The following TRPC5 variants were observed in gnomAD, a reference collection of about 807,000 sequenced individuals.
TRPC5 encodes the protein short transient receptor potential channel 5.
TRPC5 carries 9 observed loss-of-function variants against 56.5 expected under a neutral mutation model. The ratio of observed to expected loss-of-function variants is 0.16; its 90% CI spans 0.10 to 0.28. TRPC5 has a LOEUF of 0.28. Among genes scored for constraint, TRPC5 ranks in the 10% least tolerant of loss-of-function variants. TRPC5 has a pLI of 1.00. For synonymous variants in TRPC5, 282 were observed against 278.5 expected (o/e 1.01, Z -0.13); for missense variants, 469 against 748.9 (o/e 0.63, Z 4.36).
intron 2 of TRPC5, among the ~76,000 whole-genome samples, chrX:111,937,852 C>G (rs1377542612): frequency 2.8e-5 from 3 of 106,745 alleles, no homozygotes; most frequent in Non-Finnish European, 5.8e-5. Flanking sequence ...TCCATATGAA[C>G]TTTAAAGTAG....
At chrX:111,823,247 C>A (rs1922083590) in intron 7 of TRPC5, among the ~76,000 whole-genome samples, 1 of 111,621 alleles carries the variant, frequency 9.0e-6, no homozygotes, top group Admixed American at 9.5e-5. Context: ...TGTCTCAAAC[C>A]ACCAGGGGGA....
At chrX:111,820,487 A>T (rs1039837881) in intron 7 of TRPC5, among the ~76,000 whole-genome samples, 2 of 112,550 alleles carry the variant, frequency 1.8e-5, no homozygotes, top group African/African-American at 6.5e-5. Flanking sequence ...TTGAAAAAAT[A>T]AAAATAATAT....
intron 1 of TRPC5, among the ~76,000 whole-genome samples, chrX:112,079,510 A>C (rs191129503): frequency 8.9e-6 from 1 of 112,180 alleles, no homozygotes; most frequent in East Asian, 2.8e-4. Flanking sequence ...TTCACATATG[A>C]GTTGATTTCT....
chrX:112,053,663 G>A (rs1930272467), intron 1 of TRPC5, among the ~76,000 whole-genome samples: 1 of 111,368 alleles, frequency 9.0e-6, no homozygotes, highest in Non-Finnish European at 1.9e-5. Context: ...GGGATGGCTT[G>A]AATGGAGATA....
At chrX:111,930,549 C>T (rs111454724) in intron 2 of TRPC5, among the ~76,000 whole-genome samples, 2,713 of 110,269 alleles carry the variant, frequency 0.025, 72 homozygotes, top group African/African-American at 0.085. Flanking sequence ...TGCAGTGAGC[C>T]GAAATTGCAC....
In TRPC5 at chrX:111,938,712, G is replaced by A. The variant is rs772417675; in HGVS notation, c.378+13331C>T. Among the ~76,000 whole-genome samples, 3 of 111,741 alleles carry A rather than the reference G, an allele frequency of 2.7e-5. No homozygotes were observed. In the East Asian group the frequency reaches 8.4e-4, roughly 31 times the overall value. On this transcript the variant is annotated intron_variant, in intron 2 of 10. Transcript: ENST00000262839. ...GGGATGAAGCCCACTTGATCATGGT[G>A]GATAAGCTTTTTAATGTGCTGCTGG...
chrX:111,959,577 TG>T (rs1927320763), intron 1 of TRPC5, among the ~76,000 whole-genome samples: 1 of 111,555 alleles, frequency 9.0e-6, no homozygotes, highest in African/African-American at 3.3e-5. Flanking sequence ...TCAAAGGATT[TG>T]GGTGAGGGCG....
chrX:111,979,569 T>C (rs1377561254), intron 1 of TRPC5, among the ~76,000 whole-genome samples: 1 of 111,367 alleles, frequency 9.0e-6, no homozygotes, highest in Admixed American at 9.6e-5. Flanking sequence ...ATGCAAATCA[T>C]AATCTGATAA....
rs763430444 is a variant in TRPC5, at chrX:111,997,906, A to T, written c.-21-45465T>A. 2.7e-4 allele frequency among the ~76,000 whole-genome samples: 30 copies of T among 110,762 alleles called. No individual in the cohort carries two copies. The East Asian group carries it at 8.5e-3, about 32-fold the overall frequency. ...AGCCATTTGTCTAATCTTTTTTCAAAGTTTTTAGCTTCCTTGCAATGGGTT... is the reference window on the plus strand; with the variant it reads ...AGCCATTTGTCTAATCTTTTTTCAATGTTTTTAGCTTCCTTGCAATGGGTT... On this transcript the variant is annotated intron_variant, in intron 1 of 10. Coordinates refer to ENST00000262839, the MANE Select transcript of TRPC5 (RefSeq NM_012471.3).
chrX:111,827,128 TTATAA>T (rs1346141444), intron 7 of TRPC5, among the ~76,000 whole-genome samples: 1 of 111,641 alleles, frequency 9.0e-6, no homozygotes, highest in Non-Finnish European at 1.9e-5. Flanking sequence ...TAATATAGTA[TTATAA>T]TATAGCACAT....
chrX:111,924,342 T>A (rs1168918220), intron 2 of TRPC5, among the ~76,000 whole-genome samples: 1 of 111,068 alleles, frequency 9.0e-6, no homozygotes, highest in Non-Finnish European at 1.9e-5. Flanking sequence ...TGAACTCAGT[T>A]GGGTCTAAGA....
intron 1 of TRPC5, among the ~76,000 whole-genome samples, chrX:111,959,725 A>G (rs920346473): frequency 2.7e-5 from 3 of 111,641 alleles, no homozygotes; most frequent in African/African-American, 9.8e-5. Flanking sequence ...GAATCATTGC[A>G]TATTGATCAA....
intron 1 of TRPC5, among the ~76,000 whole-genome samples, chrX:111,961,261 C>T (rs1391244843): frequency 8.9e-6 from 1 of 112,415 alleles, no homozygotes; most frequent in Non-Finnish European, 1.9e-5. Flanking sequence ...ATCATGAATA[C>T]ATAAAATAAA....
At position 112,077,890 on chromosome X, in the gene TRPC5, C is replaced by T. The variant is rs760088540; in HGVS notation, c.-22+3989G>A. Reference sequence around the variant, plus strand: ...TTCTATTTTCTTTGTTTTAATTTTTCGGAAAGAGTGTGACTGTATGTGCAT... The same window carrying T: ...TTCTATTTTCTTTGTTTTAATTTTTTGGAAAGAGTGTGACTGTATGTGCAT... On this transcript the variant is annotated intron_variant, in intron 1 of 10. Transcript: ENST00000262839. Among the ~76,000 whole-genome samples, 337 of 111,271 alleles carry T rather than the reference C, an allele frequency of 3.0e-3. 3 individuals carry two copies. Among genetic ancestry groups the T allele is most frequent in the Non-Finnish European group, 5.2e-3 (277 of 53,031 alleles).
At chrX:111,814,121 AT>A (rs1275083508) in intron 7 of TRPC5, among the ~76,000 whole-genome samples, 1 of 112,294 alleles carries the variant, frequency 8.9e-6, no homozygotes, top group East Asian at 2.8e-4. Flanking sequence ...AGAGATTATA[AT>A]TTTTAACTTT....
At chrX:111,940,414 G>A (rs1256267655) in intron 2 of TRPC5, among the ~76,000 whole-genome samples, 1 of 111,585 alleles carries the variant, frequency 9.0e-6, no homozygotes, top group East Asian at 2.8e-4. Context: ...ATTCCGGCCA[G>A]GCGCGGTGGC....
chrX:111,901,603 A>G, intron 3 of TRPC5: 1 of 251,580 alleles, frequency 4.0e-6, no homozygotes, highest in Non-Finnish European at 7.0e-6. Context: ...ACAGCAGTTC[A>G]CCATTAGTAC....
At chrX:111,792,365 C>CA (rs1037389012) in intron 7 of TRPC5, among the ~76,000 whole-genome samples, 74 of 111,100 alleles carry the variant, frequency 6.7e-4, no homozygotes, top group East Asian at 3.1e-3. Flanking sequence ...TGTGGGGCTT[C>CA]AAACCTAGAT....
At chrX:112,053,150 G>A (rs978331297) in intron 1 of TRPC5, among the ~76,000 whole-genome samples, 2 of 111,718 alleles carry the variant, frequency 1.8e-5, no homozygotes, top group Non-Finnish European at 3.8e-5. Context: ...CAACATTAGT[G>A]TACTCAAGGA....
Sources: allele counts gnomAD v4.1 joint callset (sites outside exome capture counted in the v4.1 genomes callset), GRCh38; gene constraint gnomAD v4.1.1; transcripts MANE v1.5; gene names NCBI Gene and HGNC (gene_info 2026-07-23, HGNC 2026-07-21).